PHC2: variants seen among roughly 807,000 people sequenced by gnomAD.
The protein encoded by PHC2 is polyhomeotic homolog 2, also known as polyhomeotic-like protein 2.
In PHC2, 29 loss-of-function variants were observed where a neutral mutation model predicts 87.4. The ratio of observed to expected loss-of-function variants is 0.33; its 90% CI spans 0.25 to 0.45. PHC2 has a LOEUF of 0.45. Among genes scored for constraint, PHC2 ranks in the 20% least tolerant of loss-of-function variants. The pLI is 1.00. For missense variants in PHC2, 857 were observed against 1,136.7 expected, an observed-to-expected ratio of 0.75 and a Z score of 3.54; for synonymous variants, 438 against 461.7, an observed-to-expected ratio of 0.95 and a Z score of 0.66.
intron 9 of PHC2, among the ~76,000 whole-genome samples, chr1:33,352,060 C>T (rs1321295118): frequency 6.6e-6 from 1 of 151,336 alleles, no homozygotes; most frequent in Non-Finnish European, 1.5e-5. Flanking sequence ...GATAGGACCT[C>T]AAGAGGAGGA....
In PHC2 at chr1:33,414,368, G is replaced by C. The variant is rs573170723; in HGVS notation, c.-55+16608C>G. The stretch of plus-strand genomic sequence containing the variant: ...GGGGTCAGACAGTCTGTAGTTAGTG[G>C]AGGCTTCTACAGTTTAAAAAGTTAG... On this transcript the variant is annotated intron_variant, in intron 1 of 14. Transcript: ENST00000683057. 6.3e-4 allele frequency among the ~76,000 whole-genome samples: 96 copies of C among 152,280 alleles called. 1 individual carries two copies. The South Asian group carries it at 0.019, about 31-fold the overall frequency.
intron 1 of PHC2, among the ~76,000 whole-genome samples, chr1:33,405,370 T>C (rs1649715591): frequency 6.6e-6 from 1 of 152,096 alleles, no homozygotes; most frequent in South Asian, 2.1e-4. Flanking sequence ...TTTGTATTTT[T>C]AGTAGAGACG....
intron 1 of PHC2, among the ~76,000 whole-genome samples, chr1:33,424,691 C>T (rs757896837): frequency 3.3e-5 from 5 of 152,066 alleles, no homozygotes; most frequent in Admixed American, 6.5e-5. Context: ...AATATGTATT[C>T]GGAATGTTTC....
At position 33,334,900 on chromosome 1, in the gene PHC2, G is replaced by C. The variant is rs1286563468; in HGVS notation, c.1559-608C>G. Among the ~76,000 whole-genome samples, 1 of 152,232 alleles carries C rather than the reference G, an allele frequency of 6.6e-6. No homozygotes were observed. Among genetic ancestry groups the C allele is most frequent in the African/African-American group, 2.4e-5 (1 of 41,456 alleles). On this transcript the variant is annotated intron_variant, in intron 9 of 14. Coordinates refer to ENST00000683057, the MANE Select transcript of PHC2 (RefSeq NM_001385109.1). The surrounding 1 kb of genome is among the most constrained non-coding windows in gnomAD (Gnocchi z 5.5). The stretch of plus-strand genomic sequence containing the variant: ...CAGAGACTGGTCATCTGGGGTCAGT[G>C]CATTGAAATATGCAGAAATTCCATT...
At chr1:33,422,769 C>T (rs7534135) in intron 1 of PHC2, among the ~76,000 whole-genome samples, 14,912 of 152,054 alleles carry the variant, frequency 0.098, 1,041 homozygotes, top group East Asian at 0.28. Flanking sequence ...TCTTACTAGG[C>T]GGAATGGAAA....
In PHC2 at chr1:33,328,924, C is replaced by T. The variant is rs1482082108; in HGVS notation, c.2371G>A (p.Glu791Lys). 1 of 1,613,968 alleles carries T rather than the reference C, an allele frequency of 6.2e-7. No individual in the cohort carries two copies. The highest frequency in any genetic ancestry group is 1.1e-5 in the South Asian group (1 of 91,080). The stretch of plus-strand genomic sequence containing the variant: ...TCTTCTACATTCCACTTGGTGGGCT[C>T]ACTTGGCAGGAAGTGGTGTCCCATG... ...VGMGHHFLPS[E>K]PTKWNVEDVY... is the part of the protein sequence containing the mutation. The change falls in exon 14 of 15, where the codon GAG becomes AAG. Residue 791 changes from glutamate to lysine, a missense_variant. Transcript: ENST00000683057.
At chr1:33,352,926 CGTGA>C (rs1377947953) in intron 9 of PHC2, among the ~76,000 whole-genome samples, 1 of 152,086 alleles carries the variant, frequency 6.6e-6, no homozygotes, top group Admixed American at 6.6e-5. Context: ...CTAGGGCTGT[CGTGA>C]GTGAGTAAAG....
At chr1:33,355,610 C>T (rs1242710036) in intron 7 of PHC2, among the ~76,000 whole-genome samples, 1 of 152,242 alleles carries the variant, frequency 6.6e-6, no homozygotes, top group Non-Finnish European at 1.5e-5. Context: ...CGCTCTCCTC[C>T]ATGCCCTTCA....
Position 33,382,347 on chromosome 1 carries a change from G to GA in PHC2, c.-54-6755dup, listed in dbSNP as rs1396336046. On this transcript the variant is annotated intron_variant, in intron 1 of 14. Coordinates refer to ENST00000683057, the MANE Select transcript of PHC2 (RefSeq NM_001385109.1). This position sits in a 1 kb window ranked among gnomAD's most constrained non-coding sequence, Gnocchi z 4.3. The stretch of plus-strand genomic sequence containing the variant: ...TCCTTCCCTCTGGTGACCCACATTA[G>GA]AAAATCTGAATCCTTAAACTTTCAC... 6.6e-6 allele frequency among the ~76,000 whole-genome samples: 1 copy of GA among 152,092 alleles called. No individual in the cohort carries two copies. The highest frequency in any genetic ancestry group is 6.5e-5 in the Admixed American group (1 of 15,268).
At chr1:33,336,014 A>C (rs943402818) in intron 9 of PHC2, among the ~76,000 whole-genome samples, 10 of 119,284 alleles carry the variant, frequency 8.4e-5, no homozygotes, top group Non-Finnish European at 1.4e-4. Flanking sequence ...TTTTAGATGG[A>C]GTCTCACTCT....
intron 9 of PHC2, among the ~76,000 whole-genome samples, chr1:33,344,218 C>T (rs1368636758): frequency 1.3e-5 from 2 of 152,172 alleles, no homozygotes; most frequent in Non-Finnish European, 2.9e-5. Context: ...TGGATTTCTA[C>T]CGGTTTACAA....
In PHC2 at chr1:33,382,542, G is replaced by A. The variant is rs1304485093; in HGVS notation, c.-54-6949C>T. 6.6e-6 allele frequency among the ~76,000 whole-genome samples: 1 copy of A among 152,064 alleles called. No homozygotes were observed. Among genetic ancestry groups the A allele is most frequent in the Non-Finnish European group, 1.5e-5 (1 of 68,032 alleles). The stretch of plus-strand genomic sequence containing the variant: ...AAATCTCATTAATGGCTAACATCAA[G>A]AACTAGAAGTCTGTTTTTCTCTGGG... On this transcript the variant is annotated intron_variant, in intron 1 of 14. Coordinates refer to ENST00000683057, the MANE Select transcript of PHC2 (RefSeq NM_001385109.1). This position sits in a 1 kb window ranked among gnomAD's most constrained non-coding sequence, Gnocchi z 4.3.
chr1:33,346,461 T>C, intron 9 of PHC2: 1 of 985,074 alleles, frequency 1.0e-6, no homozygotes, highest in Non-Finnish European at 1.2e-6. Context: ...TCGTCTCCAG[T>C]AGGTGTCCTT....
intron 2 of PHC2, 25 bp downstream of exon 2, chr1:33,375,341 A>G (rs369719476): frequency 1.3e-5 from 20 of 1,510,034 alleles, no homozygotes; most frequent in African/African-American, 2.8e-5. Context: ...AAGGAGTATA[A>G]TTCCCAGATC....
At chr1:33,343,468 CAAAAAAAAA>C (rs71006394) in intron 9 of PHC2, among the ~76,000 whole-genome samples, 1 of 59,842 alleles carries the variant, frequency 1.7e-5, no homozygotes, top group African/African-American at 7.7e-5. Flanking sequence ...GACTCTGTCT[CAAAAAAAAA>C]AAAAAAAAAA....
In PHC2 at chr1:33,368,658, T is replaced by G; in HGVS notation, c.577-36A>C. The G allele has an allele frequency of 6.9e-7, 1 of 1,455,850 alleles. No individual in the cohort carries two copies. Among genetic ancestry groups the G allele is most frequent in the Non-Finnish European group, 9.4e-7 (1 of 1,059,738 alleles). 90.2% of individuals were successfully genotyped at this position (1,455,850 alleles called of 1,614,324 possible). A position where few individuals can be genotyped will look rare whatever the true frequency, so the allele number is the denominator to read the frequency against. ...AAAGGAACAGTGCCGCCTAGGCTCCTAGCTACCTGCACCAGGTTACCTGGC... is the reference window on the plus strand; with the variant it reads ...AAAGGAACAGTGCCGCCTAGGCTCCGAGCTACCTGCACCAGGTTACCTGGC... On this transcript the variant is annotated intron_variant, in intron 5 of 14. Transcript: ENST00000683057. The surrounding 1 kb of genome is among the most constrained non-coding windows in gnomAD (Gnocchi z 6.6).
At position 33,364,047 on chromosome 1, in the gene PHC2, A is replaced by C; in HGVS notation, c.976+3069T>G. The C allele has an allele frequency of 7.0e-6, 2 of 287,146 alleles. No homozygotes were observed. Among genetic ancestry groups the C allele is most frequent in the Non-Finnish European group, 1.0e-5 (2 of 192,266 alleles). 17.8% of individuals were successfully genotyped at this position (287,146 alleles called of 1,614,324 possible). A position where few individuals can be genotyped will look rare whatever the true frequency, so the allele number is the denominator to read the frequency against. ...ATTCTCGGCATAAGGGACCTTTTCTATTTGCAGAGCCTGAAGAAGCCGGTT... is the reference window on the plus strand; with the variant it reads ...ATTCTCGGCATAAGGGACCTTTTCTCTTTGCAGAGCCTGAAGAAGCCGGTT... On this transcript the variant is annotated intron_variant, in intron 7 of 14. Coordinates refer to ENST00000683057, the MANE Select transcript of PHC2 (RefSeq NM_001385109.1). The surrounding 1 kb of genome is among the most constrained non-coding windows in gnomAD (Gnocchi z 4.1).
intron 9 of PHC2, among the ~76,000 whole-genome samples, chr1:33,348,799 A>G (rs1205885994): frequency 6.6e-6 from 1 of 152,216 alleles, no homozygotes. Flanking sequence ...TGGAGTAGGA[A>G]GGAAAGGAAA....
intron 1 of PHC2, among the ~76,000 whole-genome samples, chr1:33,399,711 G>A (rs1028653448): frequency 5.3e-5 from 8 of 152,200 alleles, no homozygotes; most frequent in Non-Finnish European, 1.0e-4. Context: ...AGAGAAGCCC[G>A]GTGCTACTAG....
Sources: allele counts gnomAD v4.1 joint callset (sites outside exome capture counted in the v4.1 genomes callset), GRCh38; gene constraint gnomAD v4.1.1; non-coding constraint Gnocchi (gnomAD v3.1); transcripts MANE v1.5; gene names NCBI Gene and HGNC (gene_info 2026-07-23, HGNC 2026-07-21).